DSCAM: variants seen among roughly 807,000 people sequenced by gnomAD.
The protein encoded by DSCAM is cell adhesion molecule DSCAM.
A neutral mutation model predicts 217.7 loss-of-function variants in DSCAM; 47 were observed. That is an observed-to-expected ratio of 0.22 (90% confidence interval 0.17 to 0.28). DSCAM has a LOEUF of 0.28. Ranked by LOEUF, DSCAM falls within the 10% of genes least tolerant of loss-of-function variation. The probability of loss-of-function intolerance (pLI) is 1.00; values close to 1 mark genes in which losing one functional copy is unlikely to be tolerated. For missense variants in DSCAM, 2,080 were observed against 2,618.3 expected, an observed-to-expected ratio of 0.79 and a Z score of 4.49; for synonymous variants, 1,056 against 1,015.3, an observed-to-expected ratio of 1.04 and a Z score of -0.76.
chr21:40,460,080 G>C (rs2075794150), intron 3 of DSCAM, among the ~76,000 whole-genome samples: 1 of 152,118 alleles, frequency 6.6e-6, no homozygotes, highest in Non-Finnish European at 1.5e-5. Context: ...TGAACAATGA[G>C]AACACATGGA....
At chr21:40,748,565 G>A (rs377193525) in intron 1 of DSCAM, among the ~76,000 whole-genome samples, 3 of 151,760 alleles carry the variant, frequency 2.0e-5, no homozygotes, top group African/African-American at 2.4e-5. Context: ...ACTATAAAAC[G>A]CCAATGAAAG....
intron 18 of DSCAM, among the ~76,000 whole-genome samples, chr21:40,135,005 C>T (rs1262284397): frequency 7.2e-5 from 11 of 152,150 alleles, no homozygotes; most frequent in Admixed American, 1.3e-4. Context: ...GAACACTATG[C>T]GCTCTCAACT....
chr21:40,141,149 G>A (rs1024456569), intron 18 of DSCAM, among the ~76,000 whole-genome samples: 6 of 152,220 alleles, frequency 3.9e-5, no homozygotes, highest in Non-Finnish European at 7.3e-5. Context: ...TGCACCAACC[G>A]TGGAGGCTGC....
At chr21:40,762,024 A>G (rs2091340480) in intron 1 of DSCAM, among the ~76,000 whole-genome samples, 1 of 152,168 alleles carries the variant, frequency 6.6e-6, no homozygotes, top group South Asian at 2.1e-4. Context: ...AAGTAAAATC[A>G]ACACCCTAAC....
At chr21:40,303,413 T>C (rs1237858610) in intron 9 of DSCAM, among the ~76,000 whole-genome samples, 1 of 152,112 alleles carries the variant, frequency 6.6e-6, no homozygotes, top group Non-Finnish European at 1.5e-5. Context: ...CAGTCAAGTC[T>C]CTGCTCAAAG....
intron 9 of DSCAM, among the ~76,000 whole-genome samples, chr21:40,311,854 T>C (rs2074140957): frequency 6.6e-6 from 1 of 151,964 alleles, no homozygotes; most frequent in Non-Finnish European, 1.5e-5. Flanking sequence ...TCTTAGCTAT[T>C]AATTATTTAA....
intron 3 of DSCAM, among the ~76,000 whole-genome samples, chr21:40,577,048 T>C (rs1353597312): frequency 6.6e-6 from 1 of 151,552 alleles, no homozygotes; most frequent in Non-Finnish European, 1.5e-5. Context: ...GAGGGTATCT[T>C]AGTGAAAATT....
chr21:40,401,699 C>T (rs1193244799), intron 3 of DSCAM, among the ~76,000 whole-genome samples: 1 of 152,102 alleles, frequency 6.6e-6, no homozygotes, highest in Admixed American at 6.6e-5. Flanking sequence ...TCATATGTTA[C>T]AAAGGATATA....
At chr21:40,121,866 A>AT (rs1002842352) in intron 20 of DSCAM, among the ~76,000 whole-genome samples, 1 of 151,206 alleles carries the variant, frequency 6.6e-6, no homozygotes, top group Non-Finnish European at 1.5e-5. Flanking sequence ...TAATTTTTGT[A>AT]TTTTTTGTAG....
At chr21:40,825,244 T>C (rs952107704) in intron 1 of DSCAM, among the ~76,000 whole-genome samples, 4 of 152,026 alleles carry the variant, frequency 2.6e-5, no homozygotes, top group African/African-American at 4.8e-5. Context: ...TGCATATAGG[T>C]GTTCAGTGAA....
At chr21:40,709,564 C>T (rs1181731537) in intron 1 of DSCAM, among the ~76,000 whole-genome samples, 1 of 152,160 alleles carries the variant, frequency 6.6e-6, no homozygotes, top group African/African-American at 2.4e-5. Context: ...TGTTCAACTC[C>T]CACTTATGAG....
intron 20 of DSCAM, among the ~76,000 whole-genome samples, chr21:40,110,531 A>T (rs1055848604): frequency 6.6e-6 from 1 of 152,242 alleles, no homozygotes; most frequent in Non-Finnish European, 1.5e-5. Context: ...AAAGGAACGT[A>T]GCTCCTCACC....
At chr21:40,744,419 C>T (rs1014780217) in intron 1 of DSCAM, among the ~76,000 whole-genome samples, 1 of 152,184 alleles carries the variant, frequency 6.6e-6, no homozygotes, top group African/African-American at 2.4e-5. Context: ...AGCTCAGGTG[C>T]TCATGTGGAG....
At chr21:40,705,604 G>A (rs565920429) in intron 2 of DSCAM, among the ~76,000 whole-genome samples, 2 of 152,124 alleles carry the variant, frequency 1.3e-5, no homozygotes, top group African/African-American at 4.8e-5. Context: ...TGCAAGCAAC[G>A]GAAGTGCCAG....
intron 15 of DSCAM, among the ~76,000 whole-genome samples, chr21:40,173,402 A>G (rs1037413643): frequency 2.0e-5 from 3 of 152,196 alleles, no homozygotes; most frequent in African/African-American, 7.2e-5. Context: ...AGGGGTATAC[A>G]CAATGTGTAT....
chr21:40,789,283 C>T (rs2091619033), intron 1 of DSCAM, among the ~76,000 whole-genome samples: 1 of 147,258 alleles, frequency 6.8e-6, no homozygotes, highest in Non-Finnish European at 1.5e-5. Context: ...AAAAAAAAAT[C>T]ACACTTTCAG....
intron 3 of DSCAM, among the ~76,000 whole-genome samples, chr21:40,509,142 T>C (rs975500058): frequency 3.9e-5 from 6 of 152,142 alleles, no homozygotes; most frequent in African/African-American, 1.4e-4. Flanking sequence ...ATTCTGCATA[T>C]TTTTGGAAGT....
At chr21:40,788,930 C>T (rs954824749) in intron 1 of DSCAM, among the ~76,000 whole-genome samples, 4 of 152,060 alleles carry the variant, frequency 2.6e-5, no homozygotes, top group Non-Finnish European at 5.9e-5. Context: ...TTAGAGGTAG[C>T]CTTAAAAGAA....
intron 20 of DSCAM, among the ~76,000 whole-genome samples, chr21:40,114,940 A>G (rs1209350940): frequency 6.6e-6 from 1 of 152,246 alleles, no homozygotes; most frequent in African/African-American, 2.4e-5. Context: ...ATGTGGAGAA[A>G]TAGGAACACT....
Sources: gnomAD v4.1 joint callset for allele counts (sites outside exome capture counted in the v4.1 genomes callset) on GRCh38, gnomAD v4.1.1 for gene constraint, MANE v1.5 for transcripts, NCBI Gene and HGNC (gene_info 2026-07-23, HGNC 2026-07-21) for gene names.